ATP13A3: variants seen among roughly 807,000 people sequenced by gnomAD.
The protein encoded by ATP13A3 is polyamine-transporting ATPase 13A3.
Under a neutral mutation model 158.1 loss-of-function variants are expected in ATP13A3, and 59 were observed. The observed-to-expected ratio is 0.37, with a 90% CI of 0.30 to 0.46. The LOEUF (loss-of-function observed/expected upper bound fraction) is 0.46, where lower values mean the gene tolerates loss of function less well. ATP13A3 is among the 20% of genes least tolerant of loss of function. The pLI, the probability that ATP13A3 is intolerant of heterozygous loss-of-function variation, is 1.00. For missense variants in ATP13A3, 1,166 were observed against 1,525.2 expected (o/e 0.76, Z 3.92); for synonymous variants, 491 against 504.3 (o/e 0.97, Z 0.35).
chr3:194,484,677 A>G (rs1309529710), intron 2 of ATP13A3, among the ~76,000 whole-genome samples: 1 of 152,224 alleles, frequency 6.6e-6, no homozygotes, highest in African/African-American at 2.4e-5. Flanking sequence ...TGAAGACAGA[A>G]ATAGGATTTC....
At position 194,431,822 on chromosome 3, in the gene ATP13A3, A is replaced by G; in HGVS notation, c.2316T>C (p.Ile772=). The G allele has an allele frequency of 2.5e-6, 4 of 1,613,490 alleles. No homozygotes were observed. The highest frequency in any genetic ancestry group is 3.4e-6 in the Non-Finnish European group (4 of 1,179,740). The change falls in exon 22 of 34, where the codon ATT becomes ATC. Residue 772 remains isoleucine, a synonymous_variant. Transcript: ENST00000645319. ...CGMILPQDKV[I]IAEALPPKDG... ...CCTTTGGAGGTAATGCTTCAGCAATAATCACTTTATCCTGAGGTAGAATCA... is the reference window on the plus strand; with the variant it reads ...CCTTTGGAGGTAATGCTTCAGCAATGATCACTTTATCCTGAGGTAGAATCA...
chr3:194,431,972 A>C, intron 21 of ATP13A3, 80 bp from the exon 22 acceptor site: 1 of 1,178,480 alleles, frequency 8.5e-7, no homozygotes, highest in South Asian at 1.9e-5. Context: ...CTGAGAATCT[A>C]CTACAGTCTC....
intron 2 of ATP13A3, among the ~76,000 whole-genome samples, chr3:194,480,343 T>G (rs1720701336): frequency 6.6e-6 from 1 of 152,208 alleles, no homozygotes; most frequent in South Asian, 2.1e-4. Context: ...ATAAGACTGT[T>G]AAGTTTTTAG....
intron 8 of ATP13A3, among the ~76,000 whole-genome samples, chr3:194,454,823 C>CAA (rs397875989): frequency 4.8e-5 from 3 of 62,130 alleles, no homozygotes; most frequent in East Asian, 4.7e-4. Flanking sequence ...GACTCCGTCT[C>CAA]AAAAAAAAAA....
At chr3:194,424,471 G>A (rs1328702192) in intron 30 of ATP13A3, 2 of 152,076 alleles carry the variant, frequency 1.3e-5, no homozygotes, top group East Asian at 1.9e-4. Context: ...ATAAGATAAT[G>A]TATGAGAAAA....
At chr3:194,445,907 A>T (rs576689149) in intron 14 of ATP13A3, among the ~76,000 whole-genome samples, 95 of 152,354 alleles carry the variant, frequency 6.2e-4, no homozygotes, top group African/African-American at 2.3e-3. Context: ...TGTCATTTTC[A>T]CATAAAATCA....
At chr3:194,437,636 G>C (rs2108849037) in intron 17 of ATP13A3, 63 bp from the exon 18 acceptor site, 3 of 1,460,750 alleles carry the variant, frequency 2.1e-6, no homozygotes, top group East Asian at 4.8e-5. Context: ...ACTAAAGTTA[G>C]AAAAAGTTTA....
chr3:194,412,751 GA>G (rs986948650), intron 32 of ATP13A3: 3 of 169,366 alleles, frequency 1.8e-5, no homozygotes, highest in Non-Finnish European at 3.9e-5. Flanking sequence ...AACATTTTAA[GA>G]ATATAGTATC....
At chr3:194,438,133 C>A (rs112679220) in intron 17 of ATP13A3, among the ~76,000 whole-genome samples, 116 of 152,094 alleles carry the variant, frequency 7.6e-4, no homozygotes, top group Non-Finnish European at 1.5e-5. Context: ...GCACTCCAGC[C>A]GGGGTGACAG....
Position 194,419,980 on chromosome 3 carries a change from G to A in ATP13A3, c.3314-13C>T, listed in dbSNP as rs777106564. 2.0e-6 allele frequency: 3 copies of A among 1,511,988 alleles called. No homozygotes were observed. Among genetic ancestry groups the A allele is most frequent in the Non-Finnish European group, 2.6e-6 (3 of 1,140,598 alleles). The allele number at this position is 1,511,988 out of a possible 1,614,324, so 93.7% of individuals were successfully genotyped here. A position where few individuals can be genotyped will look rare whatever the true frequency, so the allele number is the denominator to read the frequency against. ...AAAACAAAAAAATCTGGAAAAGACAGCAAAAGTAAAACAAGTAAATTAGGA... is the reference window on the plus strand; with the variant it reads ...AAAACAAAAAAATCTGGAAAAGACAACAAAAGTAAAACAAGTAAATTAGGA... On this transcript the variant is annotated splice_polypyrimidine_tract_variant and intron_variant, in intron 30 of 33. Transcript: ENST00000645319.
chr3:194,488,314 C>T (rs1378127213), upstream of ATP13A3: 1 of 152,652 alleles, frequency 6.6e-6, no homozygotes, highest in African/African-American at 2.4e-5. The surrounding 1 kb of genome is among the most constrained non-coding windows in gnomAD (Gnocchi z 4.1). Flanking sequence ...AAATCTTCCT[C>T]CCCCACCTCC....
chr3:194,461,326 GAATT>G (rs1487482283), intron 3 of ATP13A3, among the ~76,000 whole-genome samples: 1 of 152,052 alleles, frequency 6.6e-6, no homozygotes, highest in Non-Finnish European at 1.5e-5. Context: ...CATTTGTTAA[GAATT>G]AATAGATTAA....
chr3:194,489,253 T>C (rs536183806), upstream of ATP13A3, among the ~76,000 whole-genome samples: 1 of 151,586 alleles, frequency 6.6e-6, no homozygotes, highest in Admixed American at 6.6e-5. This position sits in a 1 kb window ranked among gnomAD's most constrained non-coding sequence, Gnocchi z 4.1. Context: ...AAGACCAGCC[T>C]GACAACATGG....
At chr3:194,426,443 A>C (rs895344887) in intron 29 of ATP13A3, among the ~76,000 whole-genome samples, 1 of 152,202 alleles carries the variant, frequency 6.6e-6, no homozygotes, top group Non-Finnish European at 1.5e-5. Flanking sequence ...TAAGTTTTAA[A>C]ATGCCATTTC....
At chr3:194,490,916 C>T (rs1207764747), upstream of ATP13A3, among the ~76,000 whole-genome samples, 2 of 152,196 alleles carry the variant, frequency 1.3e-5, no homozygotes, top group South Asian at 2.1e-4. This position sits in a 1 kb window ranked among gnomAD's most constrained non-coding sequence, Gnocchi z 4.4. Context: ...GAGGCCGAGG[C>T]GGGCGGATCA....
At chr3:194,441,696 A>T (rs981346751) in intron 15 of ATP13A3, among the ~76,000 whole-genome samples, 1 of 152,196 alleles carries the variant, frequency 6.6e-6, no homozygotes, top group Non-Finnish European at 1.5e-5. Context: ...CATCTCAGTA[A>T]ACTAAGAACT....
rs1719512489 is a variant in ATP13A3, at chr3:194,459,847, T to C, written c.350A>G (p.Asn117Ser). 2 of 1,613,518 alleles carry C rather than the reference T, an allele frequency of 1.2e-6. No individual in the cohort carries two copies. The highest frequency in any genetic ancestry group is 2.2e-5 in the East Asian group (1 of 44,766). The change falls in exon 5 of 34, where the codon AAT (asparagine) becomes AGT (serine). Residue 117 changes from asparagine to serine, a missense_variant. By Grantham distance (46) the Asn-to-Ser change is conservative. Around this residue, in one of 3 missense-constraint regions of ATP13A3, gnomAD observed 104 missense variants for 91.7 expected, o/e 1.13. Transcript: ENST00000645319. ...CCTGTGCCTATTTTCTTCAGTGGGA[T>C]TCTCAATTAAACAAACTGCATGGCC... ...SNGHAVCLIE[N>S]PTEENRHRIS...
At chr3:194,441,543 A>C in intron 15 of ATP13A3, 82 bp from the exon 16 acceptor site, 1 of 1,288,882 alleles carries the variant, frequency 7.8e-7, no homozygotes. Context: ...TGGTTTTGTA[A>C]TTAAAAAAAA....
intron 22 of ATP13A3, 131 bp downstream of exon 22, chr3:194,431,586 G>GA (rs1365161784): frequency 2.0e-5 from 19 of 962,904 alleles, no homozygotes; most frequent in Non-Finnish European, 2.7e-5. Flanking sequence ...CATAATCTCT[G>GA]AAAAAATAGC....
Sources: allele counts gnomAD v4.1 joint callset (sites outside exome capture counted in the v4.1 genomes callset), GRCh38; gene constraint gnomAD v4.1.1; regional missense constraint gnomAD v4.1.1; non-coding constraint Gnocchi (gnomAD v3.1); transcripts MANE v1.5; gene names NCBI Gene and HGNC (gene_info 2026-07-23, HGNC 2026-07-21).